Variants in C4orf36 observed in about 807,000 individuals in gnomAD.
The protein encoded by C4orf36 is uncharacterized protein C4orf36.
A neutral mutation model predicts 12.2 loss-of-function variants in C4orf36; 11 were observed. The ratio of observed to expected loss-of-function variants is 0.90; its 90% confidence interval spans 0.57 to 1.49. The LOEUF is 1.49. Ranked by LOEUF, C4orf36 falls within the 40% of genes most tolerant of loss-of-function variation. C4orf36 has a pLI of 0.00. For missense variants in C4orf36, 137 were observed against 133.9 expected, an observed-to-expected ratio of 1.02 and a Z score of -0.11; for synonymous variants, 54 against 51.3, an observed-to-expected ratio of 1.05 and a Z score of -0.22.
At chr4:86,905,654 C>T in the C4orf36 span, among the ~76,000 whole-genome samples, 2 of 151,434 alleles carry the variant, frequency 1.3e-5, no homozygotes, top group South Asian at 4.2e-4. Flanking sequence ...CCAGAAAAAC[C>T]ACAGTCCCCA....
chr4:86,903,302 G>C, the C4orf36 span, among the ~76,000 whole-genome samples: 1 of 152,212 alleles, frequency 6.6e-6, no homozygotes, highest in African/African-American at 2.4e-5. Flanking sequence ...ACGAGGTCAA[G>C]AGATCGAGAC....
rs1430588750 is a variant in C4orf36 at position 86,892,313 on chromosome 4, G to A, written c.-204C>T. 7.1e-6 allele frequency: 7 copies of A among 985,422 alleles called. No individual in the cohort carries two copies. Among genetic ancestry groups the A allele is most frequent in the African/African-American group, 3.5e-5 (2 of 57,260 alleles). 61.0% of individuals were successfully genotyped at this position (985,422 alleles called of 1,614,324 possible). On this transcript the variant is annotated 5_prime_UTR_variant, in exon 1 of 5. Coordinates refer to ENST00000295898, the MANE Select transcript of C4orf36 (RefSeq NM_144645.4). Reference sequence around the variant, plus strand: ...TCCAGGGGCTCGGAGGGTCGCGGCCGGGGTACTGAGGTAAGAGCGCGCTGC... The same window carrying A: ...TCCAGGGGCTCGGAGGGTCGCGGCCAGGGTACTGAGGTAAGAGCGCGCTGC...
At chr4:86,934,232 T>C in the C4orf36 span, among the ~76,000 whole-genome samples, 1 of 152,222 alleles carries the variant, frequency 6.6e-6, no homozygotes, top group African/African-American at 2.4e-5. Context: ...CTGCGTCCCT[T>C]TCAGGAAGGA....
the C4orf36 span, chr4:86,934,989 C>A: frequency 6.6e-6 from 1 of 151,920 alleles, no homozygotes; most frequent in Admixed American, 6.6e-5. Context: ...GCGTCCCGGG[C>A]AGCCGGCGTG....
intron 3 of C4orf36, 112 bp downstream of exon 3, chr4:86,888,009 G>A: frequency 6.5e-7 from 1 of 1,538,142 alleles, no homozygotes; most frequent in East Asian, 2.3e-5. Context: ...CAAGATGACA[G>A]AGCTACAAAG....
chr4:86,890,049 G>C (rs548793342), intron 2 of C4orf36: 5 of 454,170 alleles, frequency 1.1e-5, no homozygotes, highest in African/African-American at 2.0e-5. Context: ...CAAACTCACC[G>C]GGCACAGTGG....
intron 4 of C4orf36, among the ~76,000 whole-genome samples, chr4:86,884,946 T>A (rs1397994160): frequency 6.6e-6 from 1 of 152,204 alleles, no homozygotes; most frequent in African/African-American, 2.4e-5. Flanking sequence ...CCAGCACCAT[T>A]TGTTAAATAG....
chr4:86,891,364 GA>G, intron 2 of C4orf36, 91 bp downstream of exon 2: 1 of 1,191,236 alleles, frequency 8.4e-7, no homozygotes, highest in East Asian at 2.3e-5. Flanking sequence ...ATCTCATGGG[GA>G]GCACAGAGTG....
the C4orf36 span, chr4:86,935,733 TGA>T: frequency 6.6e-6 from 1 of 151,818 alleles, no homozygotes; most frequent in Non-Finnish European, 1.5e-5. Context: ...CGCGTCTCGC[TGA>T]GAGCAGGAGG....
upstream of C4orf36, among the ~76,000 whole-genome samples, chr4:86,894,056 C>T (rs1747534656): frequency 2.6e-5 from 4 of 152,004 alleles, no homozygotes; most frequent in African/African-American, 9.6e-5. Context: ...GCCACCACGC[C>T]CAGCTGATTT....
chr4:86,879,972 T>C (rs1391245420), intron 4 of C4orf36, among the ~76,000 whole-genome samples: 1 of 151,860 alleles, frequency 6.6e-6, no homozygotes, highest in Non-Finnish European at 1.5e-5. Flanking sequence ...TGCCTCAGCC[T>C]CTGGAGTAAC....
the C4orf36 span, chr4:86,913,586 T>C: frequency 3.1e-6 from 4 of 1,304,730 alleles, no homozygotes; most frequent in Non-Finnish European, 4.4e-6. Context: ...CACCACTCTG[T>C]TCTCTGAGAC....
At chr4:86,929,510 CCTT>C in the C4orf36 span, among the ~76,000 whole-genome samples, 2 of 152,150 alleles carry the variant, frequency 1.3e-5, no homozygotes, top group South Asian at 2.1e-4. Flanking sequence ...CTGACTTACT[CCTT>C]CTTTGGCTCC....
intron 4 of C4orf36, chr4:86,887,154 C>T (rs1176746810): frequency 6.6e-6 from 1 of 152,022 alleles, no homozygotes; most frequent in Non-Finnish European, 1.5e-5. Flanking sequence ...AGGAGATATA[C>T]CTAATGTAAA....
the C4orf36 span, chr4:86,935,015 A>C: frequency 6.6e-6 from 1 of 151,946 alleles, no homozygotes; most frequent in South Asian, 2.1e-4. Context: ...CTTGCCAGCC[A>C]GCTAGCGAGC....
intron 2 of C4orf36, among the ~76,000 whole-genome samples, chr4:86,890,480 A>AAAT (rs56235500): frequency 0.011 from 1,579 of 147,322 alleles, 30 homozygotes; most frequent in African/African-American, 0.036. Flanking sequence ...AATGCAAATA[A>AAAT]AATAATAATA....
At chr4:86,926,307 C>T in the C4orf36 span, 1 of 152,238 alleles carries the variant, frequency 6.6e-6, no homozygotes, top group African/African-American at 2.4e-5. Context: ...GTTTGAGAGG[C>T]CGAAGAAGAG....
the C4orf36 span, among the ~76,000 whole-genome samples, chr4:86,913,048 T>C: frequency 4.6e-5 from 7 of 151,314 alleles, no homozygotes; most frequent in African/African-American, 1.7e-4. Flanking sequence ...TGGTCAAAAA[T>C]GGAATGAAGT....
chr4:86,920,053 C>T, the C4orf36 span, among the ~76,000 whole-genome samples: 785 of 152,232 alleles, frequency 5.2e-3, 5 homozygotes, highest in African/African-American at 0.018. Flanking sequence ...GAAAAAAGCT[C>T]TTCCATCAGA....
Sources: gnomAD v4.1 joint callset for allele counts (sites outside exome capture counted in the v4.1 genomes callset) on GRCh38, gnomAD v4.1.1 for gene constraint, MANE v1.5 for transcripts, NCBI Gene and HGNC (gene_info 2026-07-23, HGNC 2026-07-21) for gene names.